The following CAMTA1 variants were observed in gnomAD, a reference collection of about 807,000 sequenced individuals.
CAMTA1 encodes the protein calmodulin binding transcription activator 1, also known as calmodulin-binding transcription activator 1.
CAMTA1 carries 27 observed loss-of-function variants against 170.9 expected under a neutral mutation model. The ratio of observed to expected loss-of-function variants is 0.16; its 90% CI spans 0.12 to 0.22. The LOEUF (loss-of-function observed/expected upper bound fraction) is 0.22. CAMTA1 is among the 10% of genes least tolerant of loss of function. CAMTA1 has a pLI of 1.00. For missense variants in CAMTA1, 1,619 were observed against 2,217.2 expected, an observed-to-expected ratio of 0.73 and a Z score of 5.42; for synonymous variants, 833 against 891.5, an observed-to-expected ratio of 0.93 and a Z score of 1.17.
rs1322119294 is a variant in CAMTA1, at chr1:7,578,955, C to T, written c.511-61445C>T. On this transcript the variant is annotated intron_variant, in intron 6 of 22. Coordinates refer to ENST00000303635, the MANE Select transcript of CAMTA1 (RefSeq NM_015215.4). ...AACCCACAGCTGTGGCAAAGGCATT[C>T]ATACCATCCCCGTGGGAGGCTCTCC... 2.0e-5 allele frequency among the ~76,000 whole-genome samples: 3 copies of T among 152,210 alleles called. No individual in the cohort carries two copies. In the South Asian group the frequency reaches 6.2e-4, roughly 32 times the overall value.
At chr1:7,655,460 CAA>C (rs924895905) in intron 7 of CAMTA1, among the ~76,000 whole-genome samples, 57 of 141,338 alleles carry the variant, frequency 4.0e-4, no homozygotes, top group African/African-American at 1.5e-3. Flanking sequence ...TACCTATACA[CAA>C]ACACACCCAC....
chr1:7,293,573 C>T lies in CAMTA1; in HGVS notation c.438+43947C>T, dbSNP rs1007887780. Reference sequence around the variant, plus strand: ...CCACTGGGAAATGTATTTATCACTACAGTTTGTATAATTTGGTGGTCTGTT... The same window carrying T: ...CCACTGGGAAATGTATTTATCACTATAGTTTGTATAATTTGGTGGTCTGTT... On this transcript the variant is annotated intron_variant, in intron 5 of 22. Coordinates refer to ENST00000303635, the MANE Select transcript of CAMTA1 (RefSeq NM_015215.4). This position sits in a 1 kb window ranked among gnomAD's most constrained non-coding sequence, Gnocchi z 4.1. Among the ~76,000 whole-genome samples the T allele has an allele frequency of 4.5e-4, 68 of 152,224 alleles. 1 individual carries two copies. The highest frequency in any genetic ancestry group is 1.6e-3 in the African/African-American group (65 of 41,454).
At chr1:7,162,878 C>T (rs914316254) in intron 4 of CAMTA1, among the ~76,000 whole-genome samples, 1 of 152,162 alleles carries the variant, frequency 6.6e-6, no homozygotes, top group African/African-American at 2.4e-5. Flanking sequence ...TTTTGAGGAG[C>T]TGCCAAGCTG....
intron 3 of CAMTA1, among the ~76,000 whole-genome samples, chr1:6,916,988 G>C (rs1039254696): frequency 6.6e-6 from 1 of 152,174 alleles, no homozygotes; most frequent in African/African-American, 2.4e-5. Flanking sequence ...TAGTCTGTGT[G>C]GGGTGGGTCA....
chr1:7,207,210 T>C (rs1405189118), intron 4 of CAMTA1, among the ~76,000 whole-genome samples: 1 of 152,158 alleles, frequency 6.6e-6, no homozygotes, highest in African/African-American at 2.4e-5. Flanking sequence ...GAACAGGGCT[T>C]AGTGATGAAT....
Position 7,153,978 on chromosome 1 carries a change from A to G in CAMTA1, c.302+62607A>G, listed in dbSNP as rs539984934. Among the ~76,000 whole-genome samples the G allele has an allele frequency of 1.6e-3, 237 of 152,354 alleles. 1 individual carries two copies. The highest frequency in any genetic ancestry group is 2.6e-3 in the Non-Finnish European group (179 of 68,040). The stretch of plus-strand genomic sequence containing the variant: ...TCCTGGCTTCCTCTGTGATGTGGGC[A>G]CAGCCATCTCCCTTTGGGGCACTGG... On this transcript the variant is annotated intron_variant, in intron 4 of 22. Transcript: ENST00000303635.
intron 5 of CAMTA1, among the ~76,000 whole-genome samples, chr1:7,467,133 C>T (rs1249757564): frequency 6.6e-6 from 1 of 152,182 alleles, no homozygotes; most frequent in African/African-American, 2.4e-5. Context: ...AGAGCCATCC[C>T]GACCCACAGT....
At chr1:6,794,235 T>G (rs959323269) in intron 1 of CAMTA1, among the ~76,000 whole-genome samples, 10 of 152,336 alleles carry the variant, frequency 6.6e-5, no homozygotes, top group African/African-American at 1.9e-4. Flanking sequence ...AAAAAGTAAT[T>G]GAAATAACCC....
intron 4 of CAMTA1, among the ~76,000 whole-genome samples, chr1:7,112,821 G>A (rs1376197020): frequency 6.6e-6 from 1 of 152,206 alleles, no homozygotes; most frequent in Non-Finnish European, 1.5e-5. Context: ...ATCAGGAGGT[G>A]GTGCTTTGAT....
Position 7,641,523 on chromosome 1 carries a change from G to A in CAMTA1, c.664+970G>A, listed in dbSNP as rs970165872. On this transcript the variant is annotated intron_variant, in intron 7 of 22. Transcript: ENST00000303635. This position sits in a 1 kb window ranked among gnomAD's most constrained non-coding sequence, Gnocchi z 4.5. The stretch of plus-strand genomic sequence containing the variant: ...AAGGTCCTGTGCCTGGGAGGGCCCA[G>A]GCTGAGGCTACGGGCACCTGCGGTG... 6.6e-6 allele frequency among the ~76,000 whole-genome samples: 1 copy of A among 152,192 alleles called. No homozygotes were observed. The highest frequency in any genetic ancestry group is 2.4e-5 in the African/African-American group (1 of 41,458).
At chr1:7,058,070 C>T (rs1372082341) in intron 3 of CAMTA1, among the ~76,000 whole-genome samples, 2 of 152,134 alleles carry the variant, frequency 1.3e-5, no homozygotes, top group Non-Finnish European at 2.9e-5. Flanking sequence ...CCAGGCAGGA[C>T]GGAGACCGGC....
intron 5 of CAMTA1, among the ~76,000 whole-genome samples, chr1:7,352,447 C>T (rs1483243287): frequency 6.6e-6 from 1 of 152,184 alleles, no homozygotes; most frequent in African/African-American, 2.4e-5. Flanking sequence ...AAAGGCCCGA[C>T]ATCTTGTCGG....
intron 3 of CAMTA1, among the ~76,000 whole-genome samples, chr1:6,866,971 T>A (rs1319530606): frequency 2.6e-5 from 4 of 152,252 alleles, no homozygotes; most frequent in African/African-American, 9.6e-5. Context: ...CAGCTTCCTT[T>A]GTGTGGATGG....
At chr1:7,661,890 G>A (rs1257831543) in intron 8 of CAMTA1, 24 bp downstream of exon 8, 1 of 1,584,900 alleles carries the variant, frequency 6.3e-7, no homozygotes, top group East Asian at 2.3e-5. Context: ...CCCGGGGCAG[G>A]CGGGCGCCAC....
At chr1:7,280,221 C>T (rs904597617) in intron 5 of CAMTA1, among the ~76,000 whole-genome samples, 1 of 152,250 alleles carries the variant, frequency 6.6e-6, no homozygotes, top group African/African-American at 2.4e-5. Flanking sequence ...CACTCATTTC[C>T]TTTGCCCCAT....
chr1:7,586,223 G>A (rs2095308551), intron 6 of CAMTA1, among the ~76,000 whole-genome samples: 1 of 152,100 alleles, frequency 6.6e-6, no homozygotes, highest in South Asian at 2.1e-4. Flanking sequence ...GCATCTCAGG[G>A]CCCAGCGGTG....
At chr1:7,429,282 G>C (rs573476435) in intron 5 of CAMTA1, among the ~76,000 whole-genome samples, 1 of 152,360 alleles carries the variant, frequency 6.6e-6, no homozygotes, top group Non-Finnish European at 1.5e-5. Flanking sequence ...CAAGCCCTTA[G>C]CATAGTGCAC....
chr1:7,189,645 G>A (rs1051439691), intron 4 of CAMTA1, among the ~76,000 whole-genome samples: 3 of 152,222 alleles, frequency 2.0e-5, no homozygotes, highest in Admixed American at 2.0e-4. Context: ...AGATGTTGGC[G>A]TGGATGCAGT....
rs2095684701 is a variant in CAMTA1 at position 7,633,272 on chromosome 1, A to T, written c.511-7128A>T. Among the ~76,000 whole-genome samples the T allele has an allele frequency of 6.6e-6, 1 of 152,168 alleles. No homozygotes were observed. The highest frequency in any genetic ancestry group is 1.5e-5 in the Non-Finnish European group (1 of 68,010). On this transcript the variant is annotated intron_variant, in intron 6 of 22. Transcript: ENST00000303635. The surrounding 1 kb of genome is among the most constrained non-coding windows in gnomAD (Gnocchi z 4.1). ...TCAGCCTGAGAGTCCTGTGCCTGGC[A>T]GGGCCCTGGGAGTCTGGAACTGGGG...
Sources: allele counts gnomAD v4.1 joint callset (sites outside exome capture counted in the v4.1 genomes callset), GRCh38; gene constraint gnomAD v4.1.1; non-coding constraint Gnocchi (gnomAD v3.1); transcripts MANE v1.5; gene names NCBI Gene and HGNC (gene_info 2026-07-23, HGNC 2026-07-21).